Variants in DSN1 observed in about 807,000 individuals in gnomAD.
The protein encoded by DSN1 is kinetochore-associated protein DSN1 homolog.
A neutral mutation model predicts 45.7 loss-of-function variants in DSN1; 31 were observed. That is an observed-to-expected ratio of 0.68 (90% CI 0.51 to 0.92). The LOEUF (loss-of-function observed/expected upper bound fraction) is 0.92. Ranked by LOEUF, DSN1 falls within the 40% of genes least tolerant of loss-of-function variation. The pLI is 0.00. For missense variants in DSN1, 394 were observed against 414.2 expected, an observed-to-expected ratio of 0.95 and a Z score of 0.42; for synonymous variants, 134 against 142.3, an observed-to-expected ratio of 0.94 and a Z score of 0.41.
chr20:36,763,848 C>T lies in DSN1; in HGVS notation c.503-1300G>A, dbSNP rs6102143. ...GTTGCAGTGAGCCGAGATTGCACCA[C>T]TGCACTCCAGCCTGGCAACAGAGCA... On this transcript the variant is annotated intron_variant, in intron 5 of 10. Coordinates refer to ENST00000373750, the MANE Select transcript of DSN1 (RefSeq NM_001145315.2). Among the ~76,000 whole-genome samples the T allele has an allele frequency of 6.4e-3, 852 of 132,470 alleles. 10 individuals carry two copies. The highest frequency in any genetic ancestry group is 0.023 in the African/African-American group (800 of 35,204). The allele number at this position is 132,470 out of a possible 152,430, so 86.9% of individuals were successfully genotyped here.
At chr20:36,756,867 T>C (rs768078147) in intron 8 of DSN1, among the ~76,000 whole-genome samples, 4 of 152,100 alleles carry the variant, frequency 2.6e-5, no homozygotes, top group Non-Finnish European at 4.4e-5. Context: ...ATGTAAGGGG[T>C]GAATAAAGTA....
chr20:36,771,544 C>CATTG, intron 1 of DSN1, 71 bp from the exon 2 acceptor site: 3 of 1,450,334 alleles, frequency 2.1e-6, no homozygotes, highest in Non-Finnish European at 2.9e-6. Context: ...TTTACAGCCC[C>CATTG]AGAATAAATA....
chr20:36,766,698 G>A, intron 5 of DSN1, 71 bp downstream of exon 5: 1 of 1,329,778 alleles, frequency 7.5e-7, no homozygotes, highest in Non-Finnish European at 1.1e-6. Context: ...AGCAGCTTCT[G>A]TAAATGGGGA....
chr20:36,763,037 A>T (rs1987087502), intron 5 of DSN1, among the ~76,000 whole-genome samples: 1 of 152,222 alleles, frequency 6.6e-6, no homozygotes, highest in African/African-American at 2.4e-5. Context: ...TGTAGGCGTA[A>T]GCCACTGTGC....
chr20:36,753,685 C>T (rs190780038), intron 10 of DSN1, among the ~76,000 whole-genome samples: 1 of 150,472 alleles, frequency 6.6e-6, no homozygotes, highest in Non-Finnish European at 1.5e-5. Flanking sequence ...AGCCAGCCAC[C>T]ACTACAATCA....
chr20:36,764,805 A>C (rs563153189), intron 5 of DSN1, among the ~76,000 whole-genome samples: 1 of 152,110 alleles, frequency 6.6e-6, no homozygotes, highest in East Asian at 1.9e-4. Context: ...CTGTAATCCC[A>C]GCTACTCCAG....
At chr20:36,765,787 G>A (rs1207070416) in intron 5 of DSN1, among the ~76,000 whole-genome samples, 3 of 135,348 alleles carry the variant, frequency 2.2e-5, no homozygotes, top group Non-Finnish European at 3.1e-5. Context: ...GACAGAGCGA[G>A]AGTCTGTCTC....
At chr20:36,761,724 G>A (rs1227720400) in intron 6 of DSN1, among the ~76,000 whole-genome samples, 1 of 151,898 alleles carries the variant, frequency 6.6e-6, no homozygotes, top group Non-Finnish European at 1.5e-5. Flanking sequence ...AGAACAGGCA[G>A]GATGGCTCAC....
chr20:36,760,259 C>T (rs1306443480), intron 6 of DSN1, among the ~76,000 whole-genome samples: 2 of 150,688 alleles, frequency 1.3e-5, no homozygotes, highest in Non-Finnish European at 3.0e-5. Context: ...AAAACAAAAA[C>T]AAAAACAAAA....
intron 1 of DSN1, 91 bp downstream of exon 1, chr20:36,773,571 C>G (rs1255041274): frequency 1.0e-6 from 1 of 985,714 alleles, no homozygotes; most frequent in African/African-American, 1.7e-5. Flanking sequence ...ACGGGTACGA[C>G]GCCGAAGAGA....
intron 8 of DSN1, among the ~76,000 whole-genome samples, chr20:36,757,213 G>A (rs1048317462): frequency 4.6e-5 from 7 of 151,550 alleles, no homozygotes; most frequent in African/African-American, 1.7e-4. Flanking sequence ...AAAATTAGTG[G>A]GGTGTGGTGG....
In DSN1 at chr20:36,758,574, TC is replaced by T; in HGVS notation, c.633del (p.Met211IlefsTer5). ...DFSLEASVAE[M>X]KEYITKFSLE... is the part of the protein sequence containing the mutation. ...TTAACTTACTTTGTTATGTATTCCT[TC>T]ATCTCAGCCACAGATGCTTCCAAAG... On this transcript the variant is annotated frameshift_variant, in exon 7 of 11. Coordinates refer to ENST00000373750, the MANE Select transcript of DSN1 (RefSeq NM_001145315.2). LOFTEE classifies it high-confidence loss of function. 1 of 1,611,398 alleles carries T rather than the reference TC, an allele frequency of 6.2e-7. No homozygotes were observed. The highest frequency in any genetic ancestry group is 8.5e-7 in the Non-Finnish European group (1 of 1,179,194).
chr20:36,753,180 C>CAAA (rs1385083412), intron 10 of DSN1, among the ~76,000 whole-genome samples: 5 of 83,108 alleles, frequency 6.0e-5, no homozygotes, highest in Non-Finnish European at 5.3e-5. Flanking sequence ...CTTGTCTCTA[C>CAAA]AAAAAAAAAA....
In DSN1 at chr20:36,758,570, T is replaced by G. The variant is rs1194126500; in HGVS notation, c.638A>C (p.Glu213Ala). 10 of 1,611,198 alleles carry G rather than the reference T, an allele frequency of 6.2e-6. No homozygotes were observed. The highest frequency in any genetic ancestry group is 1.3e-5 in the African/African-American group (1 of 75,002). ...AAGGTTAACTTACTTTGTTATGTAT[T>G]CCTTCATCTCAGCCACAGATGCTTC... is the stretch of plus-strand genomic sequence containing the variant. ...SLEASVAEMK[E>A]YITKFSLERQ... Residue 213 changes from glutamate to alanine, a missense_variant, in exon 7 of 11, where the codon GAA becomes GCA. Coordinates refer to ENST00000373750, the MANE Select transcript of DSN1 (RefSeq NM_001145315.2).
At chr20:36,769,934 CACACACAG>C (rs1987547512) in intron 3 of DSN1, among the ~76,000 whole-genome samples, 1 of 123,956 alleles carries the variant, frequency 8.1e-6, no homozygotes, top group Non-Finnish European at 1.7e-5. Context: ...CACACACACA[CACACACAG>C]AGAGAGAGAG....
At chr20:36,765,247 TAAAAA>T (rs33998027) in intron 5 of DSN1, among the ~76,000 whole-genome samples, 1 of 75,278 alleles carries the variant, frequency 1.3e-5, no homozygotes, top group African/African-American at 5.9e-5. Context: ...AGGCTTGTGT[TAAAAA>T]AAAAAAAAAA....
intron 5 of DSN1, among the ~76,000 whole-genome samples, chr20:36,765,425 C>T (rs905149707): frequency 2.0e-5 from 3 of 152,174 alleles, no homozygotes; most frequent in African/African-American, 7.2e-5. Context: ...CGTGGTGGCA[C>T]ATGCCTGAAA....
chr20:36,765,247 T>TAAAA lies in DSN1; in HGVS notation c.502+1518_502+1521dup, dbSNP rs33998027. Among the ~76,000 whole-genome samples, 8 of 75,274 alleles carry TAAAA rather than the reference T, an allele frequency of 1.1e-4. 1 individual carries two copies. The highest frequency in any genetic ancestry group is 4.7e-4 in the African/African-American group (8 of 17,080). The allele number at this position is 75,274 out of a possible 152,430, so 49.4% of individuals were successfully genotyped here. ...TGCATACGTGCCAAAAGGCTTGTGT[T>TAAAA]AAAAAAAAAAAAAAAAAAAAAAAAA... On this transcript the variant is annotated intron_variant, in intron 5 of 10. Coordinates refer to ENST00000373750, the MANE Select transcript of DSN1 (RefSeq NM_001145315.2).
intron 8 of DSN1, among the ~76,000 whole-genome samples, 168 bp from the exon 9 acceptor site, chr20:36,755,997 G>A (rs1048777640): frequency 3.3e-5 from 5 of 151,252 alleles, no homozygotes; most frequent in African/African-American, 1.2e-4. Flanking sequence ...TTTTTGAGAT[G>A]GAGTCTCACT....
Sources: gnomAD v4.1 joint callset for allele counts (sites outside exome capture counted in the v4.1 genomes callset) on GRCh38, gnomAD v4.1.1 for gene constraint, MANE v1.5 for transcripts, NCBI Gene and HGNC (gene_info 2026-07-23, HGNC 2026-07-21) for gene names.